AVEN: variants seen among roughly 807,000 people sequenced by gnomAD.
The protein encoded by AVEN is cell death regulator Aven.
In AVEN, 41 loss-of-function variants were observed where a neutral mutation model predicts 38.1. That is an observed-to-expected ratio of 1.08 (90% CI 0.84 to 1.40). The LOEUF (loss-of-function observed/expected upper bound fraction) is 1.40, where lower values mean the gene tolerates loss of function less well. Among genes scored for constraint, AVEN ranks in the 40% most tolerant of loss-of-function variants. AVEN has a pLI of 0.00. For synonymous variants in AVEN, 206 were observed against 171.8 expected (o/e 1.20, Z -1.56); for missense variants, 605 against 438.8 (o/e 1.38, Z -3.38).
chr15:33,975,510 A>C (rs1023158561), intron 2 of AVEN, among the ~76,000 whole-genome samples: 1 of 152,270 alleles, frequency 6.6e-6, no homozygotes, highest in Non-Finnish European at 1.5e-5. Flanking sequence ...GGAATATTCC[A>C]GAAGTAACTA....
chr15:33,918,820 A>T (rs1464643072), intron 2 of AVEN, among the ~76,000 whole-genome samples: 2 of 151,932 alleles, frequency 1.3e-5, no homozygotes. Flanking sequence ...ACTAAACAGA[A>T]TTTCCTCAAT....
At chr15:33,877,276 T>A (rs1382064448) in intron 2 of AVEN, among the ~76,000 whole-genome samples, 1 of 152,152 alleles carries the variant, frequency 6.6e-6, no homozygotes, top group Non-Finnish European at 1.5e-5. Context: ...CCTAAAAATA[T>A]AAACTAACAC....
At chr15:33,984,783 C>A (rs1043907319) in intron 2 of AVEN, among the ~76,000 whole-genome samples, 3 of 152,100 alleles carry the variant, frequency 2.0e-5, no homozygotes, top group African/African-American at 7.2e-5. Flanking sequence ...AAAAATGAGA[C>A]AAACGTTAGT....
At chr15:33,985,061 C>T (rs1293146946) in intron 2 of AVEN, among the ~76,000 whole-genome samples, 1 of 152,062 alleles carries the variant, frequency 6.6e-6, no homozygotes, top group Non-Finnish European at 1.5e-5. Flanking sequence ...CACTCTGTAC[C>T]TGTCACACTG....
the AVEN span, chr15:33,851,838 G>A: frequency 6.6e-6 from 1 of 152,082 alleles, no homozygotes; most frequent in Admixed American, 6.6e-5. Context: ...CAATTTAAAT[G>A]CAGTGCATAA....
intron 2 of AVEN, among the ~76,000 whole-genome samples, chr15:33,893,528 T>C (rs2153041114): frequency 6.6e-6 from 1 of 152,330 alleles, no homozygotes; most frequent in East Asian, 1.9e-4. Context: ...ACCCCAGTAC[T>C]CCAGCTTGGG....
chr15:33,929,394 T>C (rs1597241509), intron 2 of AVEN, among the ~76,000 whole-genome samples: 1 of 152,180 alleles, frequency 6.6e-6, no homozygotes, highest in East Asian at 1.9e-4. Flanking sequence ...TTGCCCACAC[T>C]GCATAGCTGT....
intron 5 of AVEN, among the ~76,000 whole-genome samples, chr15:34,053,319 A>AAAAAAAAATATATATATAT (rs775436850): frequency 2.4e-5 from 1 of 42,096 alleles, no homozygotes; most frequent in African/African-American, 8.0e-5. Flanking sequence ...AAAAAAAAAA[A>AAAAAAAAATATATATATAT]ATATATATAT....
In AVEN at chr15:33,979,187, A is replaced by G. The variant is rs574406848; in HGVS notation, c.445+23845T>C. Among the ~76,000 whole-genome samples the G allele has an allele frequency of 2.0e-5, 3 of 152,336 alleles. No individual in the cohort carries two copies. In the South Asian group the frequency reaches 6.2e-4, roughly 32 times the overall value. On this transcript the variant is annotated intron_variant, in intron 2 of 5. Transcript: ENST00000306730. ...CACCTCGTAAACCCCTCTTCAAAAT[A>G]AAAATTGGAATTTAAATGGGTATCT...
At chr15:33,859,549 A>G (rs72716829) in intron 11 of AVEN, 14 of 1,613,122 alleles carry the variant, frequency 8.7e-6, no homozygotes, top group Non-Finnish European at 1.2e-5. Flanking sequence ...ACTTTTGCCT[A>G]AATCCCCCTT....
At chr15:34,027,915 T>G (rs2140746559) in intron 1 of AVEN, among the ~76,000 whole-genome samples, 1 of 151,856 alleles carries the variant, frequency 6.6e-6, no homozygotes, top group Admixed American at 6.5e-5. Context: ...TTGACATTAC[T>G]GGGAATCTGG....
intron 1 of AVEN, among the ~76,000 whole-genome samples, chr15:34,017,889 TA>T (rs1898014233): frequency 6.6e-6 from 1 of 152,184 alleles, no homozygotes; most frequent in Non-Finnish European, 1.5e-5. Flanking sequence ...AGTGGTCCCA[TA>T]AGGTTATAAT....
At chr15:33,919,297 A>G (rs1316381509) in intron 2 of AVEN, among the ~76,000 whole-genome samples, 1 of 152,158 alleles carries the variant, frequency 6.6e-6, no homozygotes, top group African/African-American at 2.4e-5. Flanking sequence ...ATTTTTCAAT[A>G]CTCCAAATTT....
chr15:34,004,978 AAT>A (rs761014851), intron 1 of AVEN, among the ~76,000 whole-genome samples: 49 of 147,126 alleles, frequency 3.3e-4, no homozygotes, highest in Non-Finnish European at 5.2e-4. Context: ...ACTTAAAAAA[AAT>A]AATGAGCTTT....
At chr15:33,944,631 A>C (rs1039578694) in intron 2 of AVEN, among the ~76,000 whole-genome samples, 4 of 152,164 alleles carry the variant, frequency 2.6e-5, no homozygotes, top group African/African-American at 9.7e-5. Flanking sequence ...AACATGGTGA[A>C]ACCCCGTCTC....
At chr15:33,882,065 CTCT>C (rs918984204) in intron 2 of AVEN, among the ~76,000 whole-genome samples, 38 of 152,160 alleles carry the variant, frequency 2.5e-4, no homozygotes, top group African/African-American at 8.5e-4. Flanking sequence ...ACTGTCTTCC[CTCT>C]TCTTCAAGTA....
In AVEN at chr15:34,059,784, C is replaced by T. The variant is rs139938163; in HGVS notation, n.1637+3138G>A. On this transcript the variant is annotated intron_variant and non_coding_transcript_variant, in intron 5 of 11. Transcript: ENST00000675287. ...TCTTAGGTCTCTTCCTCAGGAAGTG[C>T]TTCCCATGTCCACTCAACGAGGCTG... is the stretch of plus-strand genomic sequence containing the variant. 4.1e-3 allele frequency among the ~76,000 whole-genome samples: 629 copies of T among 152,324 alleles called. 5 individuals are homozygous for T. The highest frequency in any genetic ancestry group is 0.013 in the African/African-American group (552 of 41,578).
In AVEN at chr15:33,935,553, T is replaced by A. The variant is rs182294377; in HGVS notation, c.446-59558A>T. 2.0e-5 allele frequency among the ~76,000 whole-genome samples: 3 copies of A among 152,260 alleles called. No homozygotes were observed. In the East Asian group the frequency reaches 5.8e-4, roughly 29 times the overall value. ...ATATATATGTGTGTGTATATATATA[T>A]GGCATGATCCCACTTGGAGATTTCT... On this transcript the variant is annotated intron_variant, in intron 2 of 5. Coordinates refer to ENST00000306730, the MANE Select transcript of AVEN (RefSeq NM_020371.3).
chr15:34,007,758 G>C (rs1369588804), intron 1 of AVEN, among the ~76,000 whole-genome samples: 1 of 152,146 alleles, frequency 6.6e-6, no homozygotes, highest in Non-Finnish European at 1.5e-5. Context: ...TCTCAGTTCT[G>C]GAGGCTAGAA....
Sources: gnomAD v4.1 joint callset for allele counts (sites outside exome capture counted in the v4.1 genomes callset) on GRCh38, gnomAD v4.1.1 for gene constraint, MANE v1.5 for transcripts, NCBI Gene and HGNC (gene_info 2026-07-23, HGNC 2026-07-21) for gene names.